The following NRXN3 variants were observed in gnomAD, a reference collection of about 807,000 sequenced individuals.
NRXN3 encodes neurexin 3, also known as neurexin III.
A neutral mutation model predicts 137.6 loss-of-function variants in NRXN3; 32 were observed. The ratio of observed to expected loss-of-function variants is 0.23; its 90% CI spans 0.18 to 0.31. The LOEUF (loss-of-function observed/expected upper bound fraction) is 0.31. NRXN3 is among the 10% of genes least tolerant of loss of function. The probability of loss-of-function intolerance (pLI) is 1.00; values close to 1 mark genes in which losing one functional copy is unlikely to be tolerated. For missense variants in NRXN3, 1,574 were observed against 2,062.5 expected (o/e 0.76, Z 4.59); for synonymous variants, 798 against 784.5 (o/e 1.02, Z -0.29).
chr14:79,293,111 G>A (rs1408971856), intron 15 of NRXN3, among the ~76,000 whole-genome samples: 1 of 152,128 alleles, frequency 6.6e-6, no homozygotes, highest in Non-Finnish European at 1.5e-5. Flanking sequence ...TTATGTGTGT[G>A]TATTGGTAAC....
intron 19 of NRXN3, among the ~76,000 whole-genome samples, chr14:79,796,136 C>T (rs930746782): frequency 1.3e-5 from 2 of 152,056 alleles, no homozygotes; most frequent in African/African-American, 4.8e-5. Context: ...GAGCAGCCAT[C>T]AAAGCCAGGC....
At chr14:79,017,075 A>G (rs951971220) in intron 15 of NRXN3, among the ~76,000 whole-genome samples, 4 of 152,118 alleles carry the variant, frequency 2.6e-5, no homozygotes, top group African/African-American at 9.7e-5. Context: ...ATGCAAAGCA[A>G]TGTCAATTTC....
intron 10 of NRXN3, among the ~76,000 whole-genome samples, chr14:78,898,593 G>A (rs1166932478): frequency 6.8e-6 from 1 of 146,112 alleles, no homozygotes; most frequent in African/African-American, 2.6e-5. Context: ...GTGTGTGTGT[G>A]TGTGTGTGTC....
intron 15 of NRXN3, among the ~76,000 whole-genome samples, chr14:79,379,403 G>C (rs2094400570): frequency 6.6e-6 from 1 of 152,166 alleles, no homozygotes; most frequent in South Asian, 2.1e-4. Context: ...GGTGAGTATT[G>C]AGGTTGATAG....
chr14:79,448,425 T>C (rs1473839911), intron 15 of NRXN3, among the ~76,000 whole-genome samples: 1 of 152,236 alleles, frequency 6.6e-6, no homozygotes, highest in Non-Finnish European at 1.5e-5. Flanking sequence ...CTATCATTAT[T>C]AGAGTATGAT....
At chr14:79,178,075 T>C (rs1185807525) in intron 15 of NRXN3, among the ~76,000 whole-genome samples, 2 of 152,204 alleles carry the variant, frequency 1.3e-5, no homozygotes, top group Non-Finnish European at 2.9e-5. Context: ...ATCCTCAACC[T>C]GTGTGTAGTA....
intron 1 of NRXN3, among the ~76,000 whole-genome samples, chr14:78,185,748 T>A (rs1466113801): frequency 6.6e-6 from 1 of 152,194 alleles, no homozygotes; most frequent in East Asian, 1.9e-4. Context: ...AATGAAGATC[T>A]GGAGAGAATG....
At chr14:78,675,303 G>A (rs1369084239) in intron 6 of NRXN3, among the ~76,000 whole-genome samples, 2 of 152,130 alleles carry the variant, frequency 1.3e-5, no homozygotes, top group African/African-American at 4.8e-5. Context: ...AAAAGCCTGG[G>A]CAAGAATTAA....
intron 15 of NRXN3, among the ~76,000 whole-genome samples, chr14:79,053,878 T>G (rs78926240): frequency 6.6e-6 from 1 of 151,802 alleles, no homozygotes; most frequent in Non-Finnish European, 1.5e-5. Context: ...TATGCCACAT[T>G]GGGAATGGAA....
At chr14:79,176,252 A>G (rs1022022335) in intron 15 of NRXN3, among the ~76,000 whole-genome samples, 1 of 152,208 alleles carries the variant, frequency 6.6e-6, no homozygotes, top group Non-Finnish European at 1.5e-5. Context: ...TGCAAATCTG[A>G]TAATATTTTT....
intron 6 of NRXN3, among the ~76,000 whole-genome samples, chr14:78,660,224 G>C (rs368795510): frequency 2.2e-4 from 32 of 148,408 alleles, no homozygotes; most frequent in African/African-American, 8.0e-4. Flanking sequence ...GCTGCTTACA[G>C]TTGATGGGTT....
At chr14:78,817,210 G>C (rs1297697578) in intron 10 of NRXN3, among the ~76,000 whole-genome samples, 1 of 152,180 alleles carries the variant, frequency 6.6e-6, no homozygotes, top group Admixed American at 6.5e-5. Context: ...TGCCACAAAT[G>C]AGCTACATGT....
At chr14:79,584,307 A>G (rs1037539145) in intron 16 of NRXN3, among the ~76,000 whole-genome samples, 3 of 152,202 alleles carry the variant, frequency 2.0e-5, no homozygotes, top group South Asian at 2.1e-4. Flanking sequence ...TATTATGTCA[A>G]TCCCAAACTC....
intron 6 of NRXN3, among the ~76,000 whole-genome samples, chr14:78,682,408 T>C (rs1218141574): frequency 6.6e-6 from 1 of 151,084 alleles, no homozygotes; most frequent in Non-Finnish European, 1.5e-5. Flanking sequence ...TACTTTTTTT[T>C]TTTGAGGAAA....
chr14:78,541,941 C>T (rs1470164063), intron 4 of NRXN3, among the ~76,000 whole-genome samples: 1 of 152,234 alleles, frequency 6.6e-6, no homozygotes, highest in Non-Finnish European at 1.5e-5. Flanking sequence ...TGGGTATCAC[C>T]AGCAGAGGCT....
At chr14:79,043,662 T>G (rs1420179557) in intron 15 of NRXN3, among the ~76,000 whole-genome samples, 1 of 152,170 alleles carries the variant, frequency 6.6e-6, no homozygotes, top group African/African-American at 2.4e-5. Context: ...TTGGGTAGGC[T>G]GCCATCCTCT....
At chr14:79,709,369 A>AC (rs1467992266) in intron 19 of NRXN3, among the ~76,000 whole-genome samples, 4 of 152,206 alleles carry the variant, frequency 2.6e-5, no homozygotes, top group African/African-American at 9.6e-5. Context: ...GGATACCCCA[A>AC]CTAAGGATTA....
chr14:78,414,203 A>AT (rs34627670), intron 4 of NRXN3, among the ~76,000 whole-genome samples: 19,592 of 148,282 alleles, frequency 0.13, 2,000 homozygotes, highest in African/African-American at 0.28. Context: ...TGGATTTGTG[A>AT]TTTTTTTTTT....
At chr14:78,437,448 A>G (rs1237992155) in intron 4 of NRXN3, among the ~76,000 whole-genome samples, 1 of 151,740 alleles carries the variant, frequency 6.6e-6, no homozygotes, top group Non-Finnish European at 1.5e-5. Flanking sequence ...TCCTGGGTTC[A>G]AGTGATTCCC....
Sources: allele counts gnomAD v4.1 joint callset (sites outside exome capture counted in the v4.1 genomes callset), GRCh38; gene constraint gnomAD v4.1.1; transcripts MANE v1.5; gene names NCBI Gene and HGNC (gene_info 2026-07-23, HGNC 2026-07-21).